IGFBP7: variants seen among roughly 807,000 people sequenced by gnomAD.
The protein encoded by IGFBP7 is insulin-like growth factor-binding protein 7.
A neutral mutation model predicts 29.4 loss-of-function variants in IGFBP7; 31 were observed. The observed-to-expected ratio is 1.05, with a 90% CI of 0.79 to 1.42. IGFBP7 has a LOEUF of 1.42. Among genes scored for constraint, IGFBP7 ranks in the 40% most tolerant of loss-of-function variants. The pLI, the probability that IGFBP7 is intolerant of heterozygous loss-of-function variation, is 0.00. For synonymous variants in IGFBP7, 172 were observed against 174.9 expected (o/e 0.98, Z 0.13); for missense variants, 393 against 395.5 (o/e 0.99, Z 0.05).
intron 2 of IGFBP7, among the ~76,000 whole-genome samples, chr4:57,034,160 C>G (rs534176406): frequency 3.2e-4 from 48 of 151,676 alleles, no homozygotes; most frequent in African/African-American, 1.0e-3. Context: ...AGAAGAAACT[C>G]AGTTTCTTTG....
intron 1 of IGFBP7, among the ~76,000 whole-genome samples, chr4:57,054,064 A>T (rs539938513): frequency 6.6e-6 from 1 of 151,598 alleles, no homozygotes; most frequent in East Asian, 2.0e-4. Context: ...TTGGTCTTGG[A>T]CTCCCAGGAG....
chr4:57,041,993 C>G (rs1724237136), intron 1 of IGFBP7, among the ~76,000 whole-genome samples: 1 of 152,158 alleles, frequency 6.6e-6, no homozygotes, highest in African/African-American at 2.4e-5. Flanking sequence ...GGCCCTTTCC[C>G]AGCGTTCTCA....
chr4:57,072,981 C>T (rs114219273), intron 1 of IGFBP7: 12 of 856,916 alleles, frequency 1.4e-5, no homozygotes, highest in Non-Finnish European at 2.3e-5. Flanking sequence ...GATGTCAGGA[C>T]CATCCTGCTC....
chr4:57,047,416 A>C (rs1227112611), intron 1 of IGFBP7, among the ~76,000 whole-genome samples: 1 of 152,140 alleles, frequency 6.6e-6, no homozygotes, highest in Non-Finnish European at 1.5e-5. Flanking sequence ...GTATGTATTT[A>C]TTAGCAGCAT....
chr4:57,046,310 A>G (rs1173067794), intron 1 of IGFBP7, among the ~76,000 whole-genome samples: 1 of 149,174 alleles, frequency 6.7e-6, no homozygotes, highest in Non-Finnish European at 1.5e-5. Context: ...TCTGTCCTGC[A>G]ATTCAATCCC....
At chr4:57,037,581 A>C (rs1718824) in intron 2 of IGFBP7, among the ~76,000 whole-genome samples, 119,105 of 151,756 alleles carry the variant, frequency 0.78, 47,024 homozygotes, top group African/African-American at 0.85. Context: ...GAGGACAAGC[A>C]CTCAGGGAGG....
At chr4:57,095,962 A>C (rs1252350198) in intron 1 of IGFBP7, among the ~76,000 whole-genome samples, 4 of 152,160 alleles carry the variant, frequency 2.6e-5, no homozygotes, top group African/African-American at 9.7e-5. Context: ...GAATCTATTA[A>C]GTGCCTACCG....
intron 1 of IGFBP7, among the ~76,000 whole-genome samples, chr4:57,074,217 C>G (rs890878223): frequency 6.6e-6 from 1 of 152,176 alleles, no homozygotes; most frequent in Non-Finnish European, 1.5e-5. Context: ...CGTGCCACCA[C>G]GCCTGGCTAA....
chr4:57,031,389 A>T, intron 4 of IGFBP7, 53 bp from the exon 5 acceptor site: 1 of 1,389,400 alleles, frequency 7.2e-7, no homozygotes, highest in Non-Finnish European at 1.0e-6. Context: ...GATGTGGTTG[A>T]CTTTTGAATT....
intron 1 of IGFBP7, among the ~76,000 whole-genome samples, chr4:57,060,637 A>G (rs1724777120): frequency 6.6e-6 from 1 of 152,182 alleles, no homozygotes; most frequent in Non-Finnish European, 1.5e-5. Flanking sequence ...CAAAGGGTTT[A>G]TGGAGATCCA....
Position 57,075,419 on chromosome 4 carries a change from C to T in IGFBP7, c.475+34458G>A, listed in dbSNP as rs566028238. ...CAGGCTTAGGATATCTTCTCCTCCC[C>T]TAAAATGCATTAAAATAAATCCTGG... On this transcript the variant is annotated intron_variant, in intron 1 of 4. Transcript: ENST00000295666. Among the ~76,000 whole-genome samples the T allele has an allele frequency of 2.3e-5, 3 of 128,196 alleles. No individual in the cohort carries two copies. The East Asian group carries it at 7.9e-4, about 34-fold the overall frequency. The allele number at this position is 128,196 out of a possible 152,430, so 84.1% of individuals were successfully genotyped here.
rs531788118 is a variant in IGFBP7 at position 57,094,461 on chromosome 4, G to T, written c.475+15416C>A. ...GTAGCTGGTGGGAAGGCTGTGCAGA[G>T]AAATGGGAGGAGAAGCCTCCCACAA... On this transcript the variant is annotated intron_variant, in intron 1 of 4. Transcript: ENST00000295666. Among the ~76,000 whole-genome samples, 4 of 152,262 alleles carry T rather than the reference G, an allele frequency of 2.6e-5. No individual in the cohort carries two copies. The East Asian group carries it at 7.7e-4, about 29-fold the overall frequency.
intron 1 of IGFBP7, among the ~76,000 whole-genome samples, chr4:57,101,478 A>T (rs1476583280): frequency 6.6e-6 from 1 of 152,118 alleles, no homozygotes; most frequent in Non-Finnish European, 1.5e-5. Flanking sequence ...CCTGGTAGGG[A>T]CATTGATGGG....
At position 57,110,326 on chromosome 4, in the gene IGFBP7, A is replaced by G. The variant is rs1311220184; in HGVS notation, c.26T>C (p.Leu9Pro). The G allele has an allele frequency of 7.2e-7, 1 of 1,393,942 alleles. No homozygotes were observed. Among genetic ancestry groups the G allele is most frequent in the Non-Finnish European group, 9.3e-7 (1 of 1,071,572 alleles). 86.3% of individuals were successfully genotyped at this position (1,393,942 alleles called of 1,614,324 possible). The part of the protein sequence containing the change: MERPSLRA[L>P]LLGAAGLLLL... Reference sequence around the variant, plus strand: ...CAGCAGCCCAGCGGCGCCGAGGAGCAGGGCGCGCAGCGACGGCCGCTCCAT... The same window carrying G: ...CAGCAGCCCAGCGGCGCCGAGGAGCGGGGCGCGCAGCGACGGCCGCTCCAT... The change falls in exon 1 of 5, where the codon CTG (leucine) becomes CCG (proline). Residue 9 changes from leucine (L) to proline (P), a missense_variant. Physicochemically the swap from Leu to Pro is moderately conservative, Grantham distance 98 (BLOSUM62 -3). Coordinates refer to ENST00000295666, the MANE Select transcript of IGFBP7 (RefSeq NM_001553.3).
chr4:57,052,956 C>A lies in IGFBP7; in HGVS notation c.476-12023G>T, dbSNP rs138528638. ...ACCACAGAACATGCACAGAAAGTTG[C>A]TTCTTGCAATGTGTTGGTTGCTTGC... On this transcript the variant is annotated intron_variant, in intron 1 of 4. Transcript: ENST00000295666. Among the ~76,000 whole-genome samples, 844 of 151,890 alleles carry A rather than the reference C, an allele frequency of 5.6e-3. 11 individuals carry two copies. The highest frequency in any genetic ancestry group is 0.019 in the African/African-American group (779 of 41,406).
At chr4:57,034,353 T>TA (rs1724029896) in intron 2 of IGFBP7, among the ~76,000 whole-genome samples, 2 of 151,672 alleles carry the variant, frequency 1.3e-5, no homozygotes, top group Non-Finnish European at 2.9e-5. Context: ...ATGGTGAGTT[T>TA]TAAAAAAAAA....
intron 1 of IGFBP7, among the ~76,000 whole-genome samples, chr4:57,097,797 A>C (rs761434141): frequency 4.6e-5 from 7 of 152,144 alleles, no homozygotes; most frequent in African/African-American, 7.2e-5. Context: ...TCTGACTCCA[A>C]AGTTCATCTC....
chr4:57,052,457 G>A (rs933098322), intron 1 of IGFBP7, among the ~76,000 whole-genome samples: 2 of 152,210 alleles, frequency 1.3e-5, no homozygotes, highest in Non-Finnish European at 2.9e-5. Context: ...GCCAAGGCAA[G>A]CACTGTCTAG....
At chr4:57,052,738 T>C (rs1718834) in intron 1 of IGFBP7, among the ~76,000 whole-genome samples, 125,669 of 152,118 alleles carry the variant, frequency 0.83, 52,416 homozygotes, top group East Asian at 0.94. Flanking sequence ...GTCTTGTGAG[T>C]TGAGTTCCTG....
Sources: gnomAD v4.1 joint callset for allele counts (sites outside exome capture counted in the v4.1 genomes callset) on GRCh38, gnomAD v4.1.1 for gene constraint, MANE v1.5 for transcripts, NCBI Gene and HGNC (gene_info 2026-07-23, HGNC 2026-07-21) for gene names.